The following ZBED4 variants were observed in gnomAD, a reference collection of about 807,000 sequenced individuals.
ZBED4 encodes the protein zinc finger BED domain-containing protein 4.
In ZBED4, 4 loss-of-function variants were observed where a neutral mutation model predicts 15.5. That is an observed-to-expected ratio of 0.26 (90% CI 0.13 to 0.59). The LOEUF (loss-of-function observed/expected upper bound fraction) is 0.59, where lower values mean the gene tolerates loss of function less well. Ranked by LOEUF, ZBED4 falls within the 20% of genes least tolerant of loss-of-function variation. The pLI, the probability that ZBED4 is intolerant of heterozygous loss-of-function variation, is 0.90. For missense variants in ZBED4, 1,323 were observed against 1,461.8 expected, an observed-to-expected ratio of 0.91 and a Z score of 1.55; for synonymous variants, 692 against 608.5, an observed-to-expected ratio of 1.14 and a Z score of -2.02.
chr22:49,876,608 T>C (rs2060377626), intron 1 of ZBED4, among the ~76,000 whole-genome samples: 1 of 152,194 alleles, frequency 6.6e-6, no homozygotes, highest in Non-Finnish European at 1.5e-5. Context: ...ATTAACATGG[T>C]ATACCTTTTT....
rs764780014 is a variant in ZBED4 at position 49,887,225 on chromosome 22, T to A, written c.*47T>A. On this transcript the variant is annotated 3_prime_UTR_variant, in exon 2 of 2. Transcript: ENST00000216268. ...GCCAGAGGCGTGGCTGCCCCAGCGT[T>A]AGCAGCCTGTACCAGGTCTATGACC... 6.4e-7 allele frequency: 1 copy of A among 1,554,602 alleles called. No individual in the cohort carries two copies. The highest frequency in any genetic ancestry group is 2.2e-5 in the East Asian group (1 of 44,530).
chr22:49,858,712 C>T (rs1442498250), intron 1 of ZBED4, among the ~76,000 whole-genome samples: 3 of 152,184 alleles, frequency 2.0e-5, no homozygotes, highest in Non-Finnish European at 4.4e-5. Context: ...TCATCGATGG[C>T]GTCTACAAAA....
At chr22:49,868,160 T>C (rs1355176379) in intron 1 of ZBED4, among the ~76,000 whole-genome samples, 2 of 152,206 alleles carry the variant, frequency 1.3e-5, no homozygotes, top group African/African-American at 4.8e-5. Context: ...GGAAAGACCT[T>C]GTCAGTCTTC....
chr22:49,869,121 CAAAAA>C (rs113863967), intron 1 of ZBED4, among the ~76,000 whole-genome samples: 5 of 93,406 alleles, frequency 5.4e-5, no homozygotes, highest in African/African-American at 1.3e-4. Context: ...AAAACTGTCT[CAAAAA>C]AAAAAAAAAA....
Position 49,853,999 on chromosome 22 carries a change from C to G in ZBED4, c.-330+10C>G, listed in dbSNP as rs1011049929. The G allele has an allele frequency of 1.4e-5, 2 of 145,010 alleles. No homozygotes were observed. Among genetic ancestry groups the G allele is most frequent in the South Asian group, 4.2e-4 (2 of 4,784 alleles). The allele number at this position is 145,010 out of a possible 1,614,324, so 9.0% of individuals were successfully genotyped here. On this transcript the variant is annotated intron_variant, in intron 1 of 1. Coordinates refer to ENST00000216268, the MANE Select transcript of ZBED4 (RefSeq NM_014838.3). ...CAGAGGCCGGGCCGAGGTGAGTGCG[C>G]GGGCGCCGCCGCCCCGCCGCCTGCC...
intron 1 of ZBED4, among the ~76,000 whole-genome samples, chr22:49,857,838 C>T (rs2060280902): frequency 6.6e-6 from 1 of 152,238 alleles, no homozygotes; most frequent in African/African-American, 2.4e-5. Flanking sequence ...CTCCCTGCAA[C>T]CTCTACCTCC....
rs377508817 is a variant in ZBED4 at position 49,885,934 on chromosome 22, C to T, written c.2272C>T (p.Arg758Trp). The change falls in exon 2 of 2, where the codon CGG becomes TGG. Residue 758 changes from arginine (R) to tryptophan (W), a missense_variant. Arg to Trp is a moderately radical substitution (Grantham distance 101). Transcript: ENST00000216268. ...AHWVSFESPARPRCDDHHCSA... is the reference protein window; with the variant it reads ...AHWVSFESPAWPRCDDHHCSA... ...CTGGGTTTCCTTCGAGTCGCCAGCC[C>T]GGCCGCGCTGTGACGACCACCACTG... 1.6e-5 allele frequency: 13 copies of T among 817,164 alleles called. No homozygotes were observed. Among genetic ancestry groups the T allele is most frequent in the South Asian group, 3.0e-5 (2 of 67,334 alleles). The allele number at this position is 817,164 out of a possible 1,614,324, so 50.6% of individuals were successfully genotyped here.
chr22:49,864,481 G>A (rs540620296), intron 1 of ZBED4, among the ~76,000 whole-genome samples: 1 of 152,206 alleles, frequency 6.6e-6, no homozygotes, highest in African/African-American at 2.4e-5. Flanking sequence ...CTCAGGACAC[G>A]GCCACGTCCG....
In ZBED4 at chr22:49,872,803, C is replaced by A. The variant is rs182901977; in HGVS notation, c.-329-10531C>A. On this transcript the variant is annotated intron_variant, in intron 1 of 1. Transcript: ENST00000216268. ...CACTGCAACCTCTGCCTCCCAGGTT[C>A]AAGCGAATTCTCCTGCCTCAGCCTC... Among the ~76,000 whole-genome samples, 370 of 151,900 alleles carry A rather than the reference C, an allele frequency of 2.4e-3. 1 individual carries two copies. The highest frequency in any genetic ancestry group is 4.6e-3 in the Non-Finnish European group (312 of 67,962).
chr22:49,855,075 G>T (rs1009822490), intron 1 of ZBED4, among the ~76,000 whole-genome samples: 9 of 152,164 alleles, frequency 5.9e-5, no homozygotes, highest in African/African-American at 2.4e-5. Context: ...CTTTGCAAGA[G>T]GAAAGTTTAC....
upstream of ZBED4, chr22:49,853,704 C>A (rs1455976488): frequency 2.0e-5 from 3 of 150,198 alleles, no homozygotes; most frequent in Non-Finnish European, 4.5e-5. Context: ...GCCGGGCCTC[C>A]GGCGCTCCGT....
chr22:49,871,363 G>A (rs902242102), intron 1 of ZBED4, among the ~76,000 whole-genome samples: 1 of 152,146 alleles, frequency 6.6e-6, no homozygotes, highest in East Asian at 2.0e-4. Flanking sequence ...GCACGCACCT[G>A]TAATCTCAGC....
intron 1 of ZBED4, among the ~76,000 whole-genome samples, chr22:49,854,804 G>C (rs145465573): frequency 1.3e-5 from 2 of 152,172 alleles, no homozygotes; most frequent in Non-Finnish European, 2.9e-5. Context: ...CGTGTTGGTC[G>C]AAAGGGAAGT....
intron 1 of ZBED4, among the ~76,000 whole-genome samples, chr22:49,866,896 A>T (rs545365123): frequency 1.3e-5 from 2 of 152,312 alleles, no homozygotes; most frequent in South Asian, 4.1e-4. Flanking sequence ...GCTCTCGGCA[A>T]ATGCACGTTC....
chr22:49,854,291 G>C (rs1351683146), intron 1 of ZBED4, among the ~76,000 whole-genome samples: 1 of 150,786 alleles, frequency 6.6e-6, no homozygotes, highest in Non-Finnish European at 1.5e-5. Context: ...GGGCGGACGG[G>C]ACGGGGCTCG....
rs764858081 is a variant in ZBED4, at chr22:49,867,452, C to T, written c.-330+13463C>T. On this transcript the variant is annotated intron_variant, in intron 1 of 1. Coordinates refer to ENST00000216268, the MANE Select transcript of ZBED4 (RefSeq NM_014838.3). Reference sequence around the variant, plus strand: ...GTATTGCTCAAGTCTTCTCTGTTCTCGCTGACTTTCTGTCTAGTTCTGGGT... The same window carrying T: ...GTATTGCTCAAGTCTTCTCTGTTCTTGCTGACTTTCTGTCTAGTTCTGGGT... 5.0e-4 allele frequency among the ~76,000 whole-genome samples: 76 copies of T among 152,338 alleles called. 1 individual carries two copies. Among genetic ancestry groups the T allele is most frequent in the Non-Finnish European group, 2.8e-4 (19 of 68,038 alleles).
At chr22:49,873,005 A>G (rs1418656162) in intron 1 of ZBED4, among the ~76,000 whole-genome samples, 1 of 151,908 alleles carries the variant, frequency 6.6e-6, no homozygotes, top group Non-Finnish European at 1.5e-5. Context: ...CAATGTTTTA[A>G]TTTTTTGTAG....
At chr22:49,872,759 C>T (rs1341413075) in intron 1 of ZBED4, among the ~76,000 whole-genome samples, 1 of 150,958 alleles carries the variant, frequency 6.6e-6, no homozygotes, top group Non-Finnish European at 1.5e-5. Context: ...GGCTGGAGTG[C>T]AGTGACGTGA....
chr22:49,868,933 G>A (rs2060333194), intron 1 of ZBED4, among the ~76,000 whole-genome samples: 1 of 139,304 alleles, frequency 7.2e-6, no homozygotes, highest in African/African-American at 2.7e-5. Context: ...CCAACATGGA[G>A]AAACTCTGTC....
Sources: gnomAD v4.1 joint callset for allele counts (sites outside exome capture counted in the v4.1 genomes callset) on GRCh38, gnomAD v4.1.1 for gene constraint, MANE v1.5 for transcripts, NCBI Gene and HGNC (gene_info 2026-07-23, HGNC 2026-07-21) for gene names.